The following TERB1 variants were observed in gnomAD, a reference collection of about 807,000 sequenced individuals.
The protein encoded by TERB1 is telomere repeat binding bouquet formation protein 1.
TERB1 carries 63 observed loss-of-function variants against 92.3 expected under a neutral mutation model. The observed-to-expected ratio is 0.68, with a 90% CI of 0.56 to 0.84. The LOEUF (loss-of-function observed/expected upper bound fraction) is 0.84. Among genes scored for constraint, TERB1 ranks in the 40% least tolerant of loss-of-function variants. The pLI is 0.00. For missense variants in TERB1, 709 were observed against 843.7 expected (o/e 0.84, Z 1.98); for synonymous variants, 252 against 283.9 (o/e 0.89, Z 1.13).
intron 13 of TERB1, among the ~76,000 whole-genome samples, chr16:66,771,833 A>G (rs1232016106): frequency 6.6e-6 from 1 of 152,238 alleles, no homozygotes; most frequent in Non-Finnish European, 1.5e-5. Context: ...AAATCACTAT[A>G]TTATACTAAC....
At position 66,759,105 on chromosome 16, in the gene TERB1, C is replaced by A. The variant is rs762288548; in HGVS notation, c.1930+36G>T. The A allele has an allele frequency of 7.5e-6, 11 of 1,466,690 alleles. No homozygotes were observed. The South Asian group carries it at 1.0e-4, about 14-fold the overall frequency. 90.9% of individuals were successfully genotyped at this position (1,466,690 alleles called of 1,614,324 possible). ...TTAGATAATAGTTCAGAAGGTATAG[C>A]CATAATTACAATTTTAAAGCTGCTG... On this transcript the variant is annotated intron_variant, in intron 17 of 18. Coordinates refer to ENST00000433154, the MANE Select transcript of TERB1 (RefSeq NM_001136505.2).
chr16:66,778,992 A>G lies in TERB1; in HGVS notation c.724T>C (p.Ser242Pro), dbSNP rs2018593272. The change falls in exon 10 of 19, where the codon TCT (serine) becomes CCT (proline). Residue 242 changes from serine (S) to proline (P), a missense_variant. Coordinates refer to ENST00000433154, the MANE Select transcript of TERB1 (RefSeq NM_001136505.2). ...NNTYVQKYFV[S>P]VGGLDVLSQV... ...GACAATACATCCAGTCCGCCCACAG[A>G]TACGAAGTATTTCTGAACATATGCT... The G allele has an allele frequency of 1.3e-6, 2 of 1,516,134 alleles. No homozygotes were observed. Among genetic ancestry groups the G allele is most frequent in the Admixed American group, 2.0e-5 (1 of 49,662 alleles). 93.9% of individuals were successfully genotyped at this position (1,516,134 alleles called of 1,614,324 possible).
Position 66,756,798 on chromosome 16 carries a change from A to G in TERB1, c.1997-1635T>C, listed in dbSNP as rs115514032. Among the ~76,000 whole-genome samples the G allele has an allele frequency of 6.3e-3, 964 of 152,318 alleles. 7 individuals are homozygous for G. The highest frequency in any genetic ancestry group is 0.023 in the African/African-American group (936 of 41,572). On this transcript the variant is annotated intron_variant, in intron 18 of 18. Transcript: ENST00000433154. ...ACAGCAGAGTACTGAGCAGCCTGGA[A>G]GAAGGAAGCAGCTCTCTACACCCCA...
chr16:66,783,395 G>C (rs1349906193), intron 9 of TERB1, among the ~76,000 whole-genome samples: 1 of 152,132 alleles, frequency 6.6e-6, no homozygotes, highest in Non-Finnish European at 1.5e-5. Flanking sequence ...TGTTAAACCA[G>C]TCTTGCATTC....
intron 13 of TERB1, among the ~76,000 whole-genome samples, chr16:66,770,897 C>G (rs932490892): frequency 1.2e-4 from 18 of 152,042 alleles, no homozygotes; most frequent in Non-Finnish European, 2.5e-4. Context: ...GTTACCCACA[C>G]TGGAGTGCAG....
At chr16:66,759,375 T>A in intron 16 of TERB1, 85 bp from the exon 17 acceptor site, 1 of 1,116,972 alleles carries the variant, frequency 9.0e-7, no homozygotes, top group Non-Finnish European at 1.2e-6. Flanking sequence ...TATATGATGG[T>A]AACTGAAGTA....
intron 16 of TERB1, among the ~76,000 whole-genome samples, chr16:66,759,821 G>C (rs1597006873): frequency 1.4e-5 from 2 of 141,796 alleles, no homozygotes; most frequent in African/African-American, 5.2e-5. Context: ...AAAAAAAAAG[G>C]AAAGAAAGAA....
rs1258287209 is a variant in TERB1 at position 66,788,193 on chromosome 16, T to C, written c.376A>G (p.Ile126Val). Residue 126 changes from isoleucine (I) to valine (V), a missense_variant, in exon 6 of 19, where the codon ATT becomes GTT. Physicochemically the swap from Ile to Val is conservative, Grantham distance 29. Coordinates refer to ENST00000433154, the MANE Select transcript of TERB1 (RefSeq NM_001136505.2). ...CTATTATTTGAAACCAGAACCAAAA[T>C]AACATAAACAGACATTCTTTTCAAA... is the stretch of plus-strand genomic sequence containing the variant. ...INLKRMSVYV[I>V]LVLVSNNRTG... The C allele has an allele frequency of 2.0e-6, 3 of 1,489,402 alleles. No individual in the cohort carries two copies. 92.3% of individuals were successfully genotyped at this position (1,489,402 alleles called of 1,614,324 possible).
At chr16:66,760,130 C>CAA (rs148772308) in intron 16 of TERB1, among the ~76,000 whole-genome samples, 87 of 23,292 alleles carry the variant, frequency 3.7e-3, no homozygotes, top group East Asian at 8.3e-3. Context: ...GACTCCATCT[C>CAA]AAAAAAAAAA....
intron 18 of TERB1, 52 bp from the exon 19 acceptor site, chr16:66,755,215 G>A: frequency 1.7e-6 from 2 of 1,163,608 alleles, no homozygotes; most frequent in South Asian, 1.4e-5. Flanking sequence ...AAGGTCCTGA[G>A]ATGCAAATAA....
intron 12 of TERB1, among the ~76,000 whole-genome samples, chr16:66,774,251 T>C (rs1232834114): frequency 1.5e-5 from 2 of 135,394 alleles, no homozygotes; most frequent in African/African-American, 2.8e-5. Context: ...AGTGGCGCAA[T>C]CTCGGCTCAC....
At chr16:66,795,880 C>T (rs2145258113) in intron 3 of TERB1, among the ~76,000 whole-genome samples, 1 of 152,286 alleles carries the variant, frequency 6.6e-6, no homozygotes, top group Middle Eastern at 3.4e-3. Flanking sequence ...TCCCAAGTAG[C>T]TGGTACTACA....
chr16:66,801,296 C>T (rs1294651950), intron 1 of TERB1, among the ~76,000 whole-genome samples, 172 bp downstream of exon 1: 2 of 152,208 alleles, frequency 1.3e-5, no homozygotes, highest in African/African-American at 4.8e-5. Context: ...TGGTGCATCA[C>T]GTGATGACTG....
intron 9 of TERB1, among the ~76,000 whole-genome samples, chr16:66,782,852 T>C (rs956340210): frequency 6.6e-6 from 1 of 152,156 alleles, no homozygotes; most frequent in Admixed American, 6.5e-5. Context: ...TCTTTTTTAT[T>C]TTTGTTACTC....
chr16:66,765,906 C>A (rs1049075930), intron 16 of TERB1, among the ~76,000 whole-genome samples: 3 of 120,868 alleles, frequency 2.5e-5, no homozygotes, highest in African/African-American at 9.8e-5. Flanking sequence ...GCTCTGTCGC[C>A]CAGGCCGGAC....
At position 66,767,489 on chromosome 16, in the gene TERB1, T is replaced by G; in HGVS notation, c.1706A>C (p.Asp569Ala). Residue 569 changes from aspartate to alanine, a missense_variant, in exon 16 of 19, where the codon GAT becomes GCT. Asp to Ala is a moderately radical substitution (Grantham distance 126, BLOSUM62 -2). Coordinates refer to ENST00000433154, the MANE Select transcript of TERB1 (RefSeq NM_001136505.2). ...PVTDPFTLCS[D>A]IINKEVVSFL... Reference sequence around the variant, plus strand: ...ACTGACTACTTCTTTATTTATTATATCTGAACATAATGTAAATGGATCTGA... The same window carrying G: ...ACTGACTACTTCTTTATTTATTATAGCTGAACATAATGTAAATGGATCTGA... 1 of 1,506,550 alleles carries G rather than the reference T, an allele frequency of 6.6e-7. No individual in the cohort carries two copies. Among genetic ancestry groups the G allele is most frequent in the Non-Finnish European group, 8.9e-7 (1 of 1,125,238 alleles). The allele number at this position is 1,506,550 out of a possible 1,614,324, so 93.3% of individuals were successfully genotyped here.
intron 12 of TERB1, 112 bp downstream of exon 12, chr16:66,775,006 T>A (rs1468132430): frequency 4.2e-6 from 5 of 1,204,274 alleles, no homozygotes; most frequent in Non-Finnish European, 4.6e-6. Flanking sequence ...CTAGTCTGCT[T>A]TTCAAATGTA....
chr16:66,789,492 G>A lies in TERB1; in HGVS notation c.271+1103C>T, dbSNP rs1426214340. On this transcript the variant is annotated intron_variant, in intron 5 of 18. Transcript: ENST00000433154. Reference sequence around the variant, plus strand: ...CCAGCTACTCGGGAGGCTGAGGCAGGAGAATGGCGTGAACCTGGGAGGCGG... The same window carrying A: ...CCAGCTACTCGGGAGGCTGAGGCAGAAGAATGGCGTGAACCTGGGAGGCGG... 3.0e-5 allele frequency among the ~76,000 whole-genome samples: 2 copies of A among 66,744 alleles called. 1 individual carries two copies. Among genetic ancestry groups the A allele is most frequent in the Non-Finnish European group, 5.1e-5 (2 of 38,912 alleles). 43.8% of individuals were successfully genotyped at this position (66,744 alleles called of 152,430 possible).
At chr16:66,764,256 A>C (rs1318172687) in intron 16 of TERB1, among the ~76,000 whole-genome samples, 2 of 152,130 alleles carry the variant, frequency 1.3e-5, no homozygotes, top group Admixed American at 6.6e-5. Flanking sequence ...TTGCGGGGAG[A>C]ATGGGGAGAT....
Sources: gnomAD v4.1 joint callset for allele counts (sites outside exome capture counted in the v4.1 genomes callset) on GRCh38, gnomAD v4.1.1 for gene constraint, MANE v1.5 for transcripts, NCBI Gene and HGNC (gene_info 2026-07-23, HGNC 2026-07-21) for gene names.